The following REP15 variants were observed in gnomAD, a reference collection of about 807,000 sequenced individuals.
REP15 encodes RAB15 effector protein.
Under a neutral mutation model 1.1 loss-of-function variants are expected in REP15, and 1 was observed. That is an observed-to-expected ratio of 0.89 (90% CI 0.32 to 4.24). REP15 has a LOEUF of 4.24. Ranked by LOEUF, REP15 falls within the 30% of genes most tolerant of loss-of-function variation. The pLI, the probability that REP15 is intolerant of heterozygous loss-of-function variation, is 0.17. For missense variants in REP15, 246 were observed against 271.9 expected (o/e 0.90, Z 0.67); for synonymous variants, 100 against 99.7 (o/e 1.00, Z -0.02).
chr12:27,696,820 C>G lies in REP15; in HGVS notation c.258C>G (p.Ala86=). ...CCACCAAGATGACCAAGCACCAAGC[C>G]TTCCTGTTTGGTGCAGACTGGATTT... ...LTTTKMTKHQ[A]FLFGADWIWT... is the part of the protein sequence containing the mutation. The change falls in exon 1 of 1, where the codon GCC becomes GCG. Residue 86 remains alanine, a synonymous_variant. Coordinates refer to ENST00000310791, the MANE Select transcript of REP15 (RefSeq NM_001029874.3). 6.2e-7 allele frequency: 1 copy of G among 1,614,086 alleles called. No homozygotes were observed. The highest frequency in any genetic ancestry group is 2.2e-5 in the East Asian group (1 of 44,888).
chr12:27,696,580 G>T lies in REP15; in HGVS notation c.18G>T (p.Ser6=), dbSNP rs74074228. MGQKA[S]QQLALKDSKE... is the part of the protein sequence containing the mutation. ...CAGAGAAAATGGGGCAGAAAGCATC[G>T]CAACAGTTGGCTCTGAAGGACAGCA... is the stretch of plus-strand genomic sequence containing the variant. Residue 6 remains serine, a synonymous_variant, in exon 1 of 1, where the codon TCG becomes TCT. Coordinates refer to ENST00000310791, the MANE Select transcript of REP15 (RefSeq NM_001029874.3). 1 of 1,597,138 alleles carries T rather than the reference G, an allele frequency of 6.3e-7. No homozygotes were observed. The highest frequency in any genetic ancestry group is 8.6e-7 in the Non-Finnish European group (1 of 1,166,402).
In REP15 at chr12:27,696,834, C is replaced by G. The variant is rs1297427864; in HGVS notation, c.272C>G (p.Ala91Gly). Residue 91 changes from alanine to glycine, a missense_variant, in exon 1 of 1, where the codon GCA (alanine) becomes GGA (glycine). Coordinates refer to ENST00000310791, the MANE Select transcript of REP15 (RefSeq NM_001029874.3). ...AAGCACCAAGCCTTCCTGTTTGGTG[C>G]AGACTGGATTTGGACCTTTTGGGGA... is the stretch of plus-strand genomic sequence containing the variant. ...MTKHQAFLFGADWIWTFWGSN... is the reference protein window; with the variant it reads ...MTKHQAFLFGGDWIWTFWGSN... 1 of 1,613,934 alleles carries G rather than the reference C, an allele frequency of 6.2e-7. No individual in the cohort carries two copies. The highest frequency in any genetic ancestry group is 8.5e-7 in the Non-Finnish European group (1 of 1,180,010).
Position 27,696,537 on chromosome 12 carries a change from A to G in REP15, c.-26A>G, listed in dbSNP as rs1275349961. 1.9e-6 allele frequency: 3 copies of G among 1,554,848 alleles called. No homozygotes were observed. The highest frequency in any genetic ancestry group is 2.3e-5 in the East Asian group (1 of 43,530). ...AGAAGTACGTCTGAACCAGATTCAC[A>G]TGTTTGATATTTGGATGCAGAGAAA... On this transcript the variant is annotated 5_prime_UTR_variant, in exon 1 of 1. It removes an upstream start codon present in the reference 5' UTR. Transcript: ENST00000310791.
At position 27,696,752 on chromosome 12, in the gene REP15, A is replaced by C. The variant is rs749411898; in HGVS notation, c.190A>C (p.Ile64Leu). 6.2e-7 allele frequency: 1 copy of C among 1,614,182 alleles called. No individual in the cohort carries two copies. The highest frequency in any genetic ancestry group is 1.1e-5 in the South Asian group (1 of 91,082). The change falls in exon 1 of 1, where the codon ATC (isoleucine) becomes CTC (leucine). Residue 64 changes from isoleucine to leucine, a missense_variant. Coordinates refer to ENST00000310791, the MANE Select transcript of REP15 (RefSeq NM_001029874.3). ...GAATGAGATCTTCTTAATCCATTTC[A>C]TCACTTTCTGCCAAGAAAAGGGAGT... ...TLNEIFLIHF[I>L]TFCQEKGVDE... is the part of the protein sequence containing the mutation.
At position 27,697,298 on chromosome 12, in the gene REP15, C is replaced by T; in HGVS notation, c.*25C>T. ...ACTTGGATATGTATTATGTGAGTGG[C>T]CTGTAAGAGGAAAAGAAAAAAAGAT... On this transcript the variant is annotated 3_prime_UTR_variant, in exon 1 of 1. Transcript: ENST00000310791. 7.3e-7 allele frequency: 1 copy of T among 1,369,870 alleles called. No homozygotes were observed. Among genetic ancestry groups the T allele is most frequent in the Non-Finnish European group, 1.0e-6 (1 of 980,880 alleles). 84.9% of individuals were successfully genotyped at this position (1,369,870 alleles called of 1,614,324 possible). A position where few individuals can be genotyped will look rare whatever the true frequency, so the allele number is the denominator to read the frequency against.
Position 27,696,887 on chromosome 12 carries a change from G to A in REP15, c.325G>A (p.Ala109Thr), listed in dbSNP as rs143021700. The A allele has an allele frequency of 3.1e-5, 50 of 1,613,936 alleles. No homozygotes were observed. The highest frequency in any genetic ancestry group is 1.6e-4 in the Middle Eastern group (1 of 6,082). ...CAACAAGCAAATAAAGCTTCAGCTCGCAGTACAGACTCTGCAGATGTCTTC... is the reference window on the plus strand; with the variant it reads ...CAACAAGCAAATAAAGCTTCAGCTCACAGTACAGACTCTGCAGATGTCTTC... ...GSNKQIKLQL[A>T]VQTLQMSSPP... Residue 109 changes from alanine (A) to threonine (T), a missense_variant, in exon 1 of 1, where the codon GCA becomes ACA. Ala to Thr is a moderately conservative substitution (Grantham distance 58). Transcript: ENST00000310791.
chr12:27,696,520 G>A lies in REP15; in HGVS notation c.-43G>A, dbSNP rs1015395046. 4.0e-6 allele frequency: 6 copies of A among 1,485,008 alleles called. No individual in the cohort carries two copies. Among genetic ancestry groups the A allele is most frequent in the Non-Finnish European group, 2.8e-6 (3 of 1,087,570 alleles). 92.0% of individuals were successfully genotyped at this position (1,485,008 alleles called of 1,614,324 possible). A position where few individuals can be genotyped will look rare whatever the true frequency, so the allele number is the denominator to read the frequency against. On this transcript the variant is annotated 5_prime_UTR_variant, in exon 1 of 1. Transcript: ENST00000310791. The stretch of plus-strand genomic sequence containing the variant: ...AACTTTTACTTTGAAAAAGAAGTAC[G>A]TCTGAACCAGATTCACATGTTTGAT...
At position 27,696,471 on chromosome 12, in the gene REP15, T is replaced by A. The variant is rs2061728573; in HGVS notation, c.-92T>A. The A allele has an allele frequency of 1.1e-6, 1 of 933,610 alleles. No individual in the cohort carries two copies. The highest frequency in any genetic ancestry group is 1.6e-6 in the Non-Finnish European group (1 of 627,614). 57.8% of individuals were successfully genotyped at this position (933,610 alleles called of 1,614,324 possible). A position where few individuals can be genotyped will look rare whatever the true frequency, so the allele number is the denominator to read the frequency against. ...TGTAGAGTTAGAAAAACATGAACCA[T>A]TAACAGATGTGGCCTCCCTGCAGAA... On this transcript the variant is annotated 5_prime_UTR_variant, in exon 1 of 1. Transcript: ENST00000310791.
Position 27,696,570 on chromosome 12 carries a change from A to G in REP15, c.8A>G (p.Gln3Arg), listed in dbSNP as rs1223464498. Residue 3 changes from glutamine to arginine, a missense_variant, in exon 1 of 1, where the codon CAG (glutamine) becomes CGG (arginine). By Grantham distance (43) the Gln-to-Arg change is conservative. Transcript: ENST00000310791. MG[Q>R]KASQQLALKD... ...TATTTGGATGCAGAGAAAATGGGGC[A>G]GAAAGCATCGCAACAGTTGGCTCTG... The G allele has an allele frequency of 6.3e-7, 1 of 1,594,706 alleles. No homozygotes were observed. The highest frequency in any genetic ancestry group is 1.3e-5 in the African/African-American group (1 of 74,588).
Position 27,697,137 on chromosome 12 carries a change from T to C in REP15, c.575T>C (p.Leu192Pro). 6.2e-7 allele frequency: 1 copy of C among 1,613,992 alleles called. No individual in the cohort carries two copies. Among genetic ancestry groups the C allele is most frequent in the Non-Finnish European group, 8.5e-7 (1 of 1,179,870 alleles). Residue 192 changes from leucine (L) to proline (P), a missense_variant, in exon 1 of 1, where the codon CTG becomes CCG. Physicochemically the swap from Leu to Pro is moderately conservative, Grantham distance 98. Transcript: ENST00000310791. ...SVKSQMVRSH[L>P]PGGKAVAQFV... is the part of the protein sequence containing the mutation. ...AAAAGTCAGATGGTGAGGAGCCATC[T>C]GCCAGGAGGGAAGGCTGTGGCTCAG...
chr12:27,697,279 A>C lies in REP15; in HGVS notation c.*6A>C. The C allele has an allele frequency of 3.2e-6, 5 of 1,569,324 alleles. No homozygotes were observed. In the East Asian group the frequency reaches 1.1e-4, roughly 35 times the overall value. Reference sequence around the variant, plus strand: ...TTTATATCAGCATTCTCTGACTTGGATATGTATTATGTGAGTGGCCTGTAA... The same window carrying C: ...TTTATATCAGCATTCTCTGACTTGGCTATGTATTATGTGAGTGGCCTGTAA... On this transcript the variant is annotated 3_prime_UTR_variant, in exon 1 of 1. Coordinates refer to ENST00000310791, the MANE Select transcript of REP15 (RefSeq NM_001029874.3).
chr12:27,696,815 C>A lies in REP15; in HGVS notation c.253C>A (p.Gln85Lys), dbSNP rs762503152. 3 of 1,614,106 alleles carry A rather than the reference C, an allele frequency of 1.9e-6. No individual in the cohort carries two copies. The highest frequency in any genetic ancestry group is 2.5e-6 in the Non-Finnish European group (3 of 1,180,008). Residue 85 changes from glutamine (Q) to lysine (K), a missense_variant, in exon 1 of 1, where the codon CAA becomes AAA. Coordinates refer to ENST00000310791, the MANE Select transcript of REP15 (RefSeq NM_001029874.3). ...GACCACCACCAAGATGACCAAGCACCAAGCCTTCCTGTTTGGTGCAGACTG... is the reference window on the plus strand; with the variant it reads ...GACCACCACCAAGATGACCAAGCACAAAGCCTTCCTGTTTGGTGCAGACTG... ...WLTTTKMTKHQAFLFGADWIW... is the reference protein window; with the variant it reads ...WLTTTKMTKHKAFLFGADWIW...
At position 27,697,296 on chromosome 12, in the gene REP15, G is replaced by A; in HGVS notation, c.*23G>A. On this transcript the variant is annotated 3_prime_UTR_variant, in exon 1 of 1. Coordinates refer to ENST00000310791, the MANE Select transcript of REP15 (RefSeq NM_001029874.3). Reference sequence around the variant, plus strand: ...TGACTTGGATATGTATTATGTGAGTGGCCTGTAAGAGGAAAAGAAAAAAAG... The same window carrying A: ...TGACTTGGATATGTATTATGTGAGTAGCCTGTAAGAGGAAAAGAAAAAAAG... 1 of 1,401,972 alleles carries A rather than the reference G, an allele frequency of 7.1e-7. No homozygotes were observed. The highest frequency in any genetic ancestry group is 9.9e-7 in the Non-Finnish European group (1 of 1,006,810). The allele number at this position is 1,401,972 out of a possible 1,614,324, so 86.8% of individuals were successfully genotyped here. A position where few individuals can be genotyped will look rare whatever the true frequency, so the allele number is the denominator to read the frequency against.
Position 27,697,342 on chromosome 12 carries a change from C to T in REP15, c.*69C>T. On this transcript the variant is annotated 3_prime_UTR_variant, in exon 1 of 1. Coordinates refer to ENST00000310791, the MANE Select transcript of REP15 (RefSeq NM_001029874.3). ...AAAAGATTCTAATAAGCAAGCTCAC[C>T]TATTTGCATCATTCCAGCATGGGAT... 1 of 897,956 alleles carries T rather than the reference C, an allele frequency of 1.1e-6. No homozygotes were observed. Among genetic ancestry groups the T allele is most frequent in the Non-Finnish European group, 1.7e-6 (1 of 574,414 alleles). 55.6% of individuals were successfully genotyped at this position (897,956 alleles called of 1,614,324 possible).
chr12:27,696,527 C>A lies in REP15; in HGVS notation c.-36C>A. The A allele has an allele frequency of 6.6e-7, 1 of 1,517,766 alleles. No homozygotes were observed. The highest frequency in any genetic ancestry group is 9.0e-7 in the Non-Finnish European group (1 of 1,110,368). The allele number at this position is 1,517,766 out of a possible 1,614,324, so 94.0% of individuals were successfully genotyped here. On this transcript the variant is annotated 5_prime_UTR_variant, in exon 1 of 1. Coordinates refer to ENST00000310791, the MANE Select transcript of REP15 (RefSeq NM_001029874.3). The stretch of plus-strand genomic sequence containing the variant: ...ACTTTGAAAAAGAAGTACGTCTGAA[C>A]CAGATTCACATGTTTGATATTTGGA...
In REP15 at chr12:27,696,804, T is replaced by C. The variant is rs775597835; in HGVS notation, c.242T>C (p.Met81Thr). ...GATGAGTGGCTGACCACCACCAAGA[T>C]GACCAAGCACCAAGCCTTCCTGTTT... Reference protein sequence around the residue: ...GVDEWLTTTKMTKHQAFLFGA... With the variant: ...GVDEWLTTTKTTKHQAFLFGA... The change falls in exon 1 of 1, where the codon ATG (methionine) becomes ACG (threonine). Residue 81 changes from methionine (M) to threonine (T), a missense_variant. Met to Thr is a moderately conservative substitution (Grantham distance 81). Transcript: ENST00000310791. 35 of 1,613,930 alleles carry C rather than the reference T, an allele frequency of 2.2e-5. No homozygotes were observed. In the South Asian group the frequency reaches 3.8e-4, roughly 18 times the overall value.
At position 27,697,535 on chromosome 12, in the gene REP15, C is replaced by A; in HGVS notation, c.*262C>A. 1 of 293,116 alleles carries A rather than the reference C, an allele frequency of 3.4e-6. No individual in the cohort carries two copies. The highest frequency in any genetic ancestry group is 1.3e-4 in the South Asian group (1 of 7,776). The allele number at this position is 293,116 out of a possible 1,614,324, so 18.2% of individuals were successfully genotyped here. On this transcript the variant is annotated 3_prime_UTR_variant, in exon 1 of 1. Coordinates refer to ENST00000310791, the MANE Select transcript of REP15 (RefSeq NM_001029874.3). ...TAGTTTAATATTTCATTCACTTATT[C>A]AATAATAAAAATGGAAGAGAGATAA...
At position 27,697,142 on chromosome 12, in the gene REP15, G is replaced by A. The variant is rs771507056; in HGVS notation, c.580G>A (p.Gly194Arg). Residue 194 changes from glycine (G) to arginine (R), a missense_variant, in exon 1 of 1, where the codon GGA (glycine) becomes AGA (arginine). By Grantham distance (125) the Gly-to-Arg change is moderately radical. Coordinates refer to ENST00000310791, the MANE Select transcript of REP15 (RefSeq NM_001029874.3). ...TCAGATGGTGAGGAGCCATCTGCCA[G>A]GAGGGAAGGCTGTGGCTCAGTTTGT... ...KSQMVRSHLP[G>R]GKAVAQFVLE... is the part of the protein sequence containing the mutation. 1 of 1,613,882 alleles carries A rather than the reference G, an allele frequency of 6.2e-7. No individual in the cohort carries two copies. Among genetic ancestry groups the A allele is most frequent in the Non-Finnish European group, 8.5e-7 (1 of 1,179,792 alleles).
rs776610729 is a variant in REP15 at position 27,696,622 on chromosome 12, CTG to C, written c.63_64del (p.Cys21Ter). On this transcript the variant is annotated frameshift_variant, in exon 1 of 1. Coordinates refer to ENST00000310791, the MANE Select transcript of REP15 (RefSeq NM_001029874.3). LOFTEE classifies it low-confidence loss of function (END_TRUNC). ...AGGACAGCAAAGAGGTGCCCGTCGT[CTG>C]TGAGGTGGTCAGTGAAGCTATAGTC... is the stretch of plus-strand genomic sequence containing the variant. ...LKDSKEVPVV[C>X]EVVSEAIVHA... The C allele has an allele frequency of 6.2e-7, 1 of 1,613,796 alleles. No homozygotes were observed. Among genetic ancestry groups the C allele is most frequent in the South Asian group, 1.1e-5 (1 of 91,072 alleles).
Sources: allele counts gnomAD v4.1 joint callset, GRCh38; gene constraint gnomAD v4.1.1; transcripts MANE v1.5; gene names NCBI Gene and HGNC (gene_info 2026-07-23, HGNC 2026-07-21).